Variants in STK39 observed in about 807,000 individuals in gnomAD.
STK39 encodes serine/threonine kinase 39.
STK39 carries 20 observed loss-of-function variants against 77.8 expected under a neutral mutation model. The observed-to-expected ratio is 0.26, with a 90% CI of 0.18 to 0.37. STK39 has a LOEUF of 0.37. STK39 is among the 10% of genes least tolerant of loss of function. The pLI is 1.00. For missense variants in STK39, 479 were observed against 656.5 expected, an observed-to-expected ratio of 0.73 and a Z score of 2.95; for synonymous variants, 246 against 234.1, an observed-to-expected ratio of 1.05 and a Z score of -0.47.
chr2:168,212,946 A>G (rs919120823), intron 1 of STK39, among the ~76,000 whole-genome samples: 5 of 152,214 alleles, frequency 3.3e-5, no homozygotes, highest in Non-Finnish European at 5.9e-5. Flanking sequence ...ACTCCAGGAT[A>G]GCCATTATGG....
intron 14 of STK39, among the ~76,000 whole-genome samples, chr2:168,049,813 C>T (rs1398251161): frequency 6.6e-6 from 1 of 152,158 alleles, no homozygotes; most frequent in Non-Finnish European, 1.5e-5. Context: ...TCCTACTCTT[C>T]CTTGGGAAAT....
intron 14 of STK39, among the ~76,000 whole-genome samples, chr2:168,055,691 C>G (rs193190394): frequency 6.6e-6 from 1 of 152,214 alleles, no homozygotes; most frequent in East Asian, 1.9e-4. Flanking sequence ...TGAACAGCAT[C>G]TAATACAAAG....
intron 16 of STK39, among the ~76,000 whole-genome samples, chr2:168,002,805 C>T (rs1684034203): frequency 1.3e-5 from 2 of 152,116 alleles, no homozygotes; most frequent in African/African-American, 4.8e-5. Context: ...AATGCTGAAT[C>T]TGTGTGCTCT....
chr2:168,142,995 T>C (rs1301930583), intron 5 of STK39, among the ~76,000 whole-genome samples: 4 of 152,220 alleles, frequency 2.6e-5, no homozygotes, highest in Non-Finnish European at 5.9e-5. Flanking sequence ...GGCAGAACTG[T>C]AACAGTGAAA....
intron 1 of STK39, among the ~76,000 whole-genome samples, 190 bp from the exon 2 acceptor site, chr2:168,182,280 C>A (rs1559136453): frequency 6.6e-6 from 1 of 151,786 alleles, no homozygotes; most frequent in East Asian, 1.9e-4. Context: ...AAAAAAAAAA[C>A]TGCATTTTCC....
At chr2:168,211,439 T>C (rs897140438) in intron 1 of STK39, among the ~76,000 whole-genome samples, 1 of 152,202 alleles carries the variant, frequency 6.6e-6, no homozygotes, top group African/African-American at 2.4e-5. Context: ...GTCATTTCTG[T>C]TCTAGAGTTT....
chr2:168,039,363 C>A lies in STK39; in HGVS notation c.1377-22268G>T, dbSNP rs1252139000. ...ATCCCAGCACTTTGGGAGGCCGAGG[C>A]GGGTGGATCATGAGGTCAGGAGATC... On this transcript the variant is annotated intron_variant, in intron 14 of 17. Transcript: ENST00000355999. 1.0e-4 allele frequency among the ~76,000 whole-genome samples: 2 copies of A among 19,140 alleles called. 1 individual carries two copies. The highest frequency in any genetic ancestry group is 4.1e-4 in the Non-Finnish European group (2 of 4,834). 12.6% of individuals were successfully genotyped at this position (19,140 alleles called of 152,430 possible).
At chr2:168,221,634 G>A (rs1182778297) in intron 1 of STK39, among the ~76,000 whole-genome samples, 7 of 152,132 alleles carry the variant, frequency 4.6e-5, no homozygotes, top group Admixed American at 4.6e-4. Flanking sequence ...GGACTTTGGA[G>A]ATGGAACGAT....
chr2:168,209,196 A>T (rs1689818956), intron 1 of STK39, among the ~76,000 whole-genome samples: 1 of 152,166 alleles, frequency 6.6e-6, no homozygotes, highest in South Asian at 2.1e-4. Flanking sequence ...CAGTCTCATA[A>T]ATTTTTACTG....
At chr2:168,038,754 A>C (rs576409210) in intron 14 of STK39, among the ~76,000 whole-genome samples, 2 of 152,308 alleles carry the variant, frequency 1.3e-5, no homozygotes, top group East Asian at 3.9e-4. Flanking sequence ...TACTGAAACA[A>C]GATCTGAACA....
At chr2:168,180,690 T>C (rs1689063505) in intron 2 of STK39, among the ~76,000 whole-genome samples, 1 of 152,174 alleles carries the variant, frequency 6.6e-6, no homozygotes, top group African/African-American at 2.4e-5. Flanking sequence ...ACAATATTAC[T>C]GGTCACTAAG....
At chr2:168,198,246 CCAAA>C (rs770213789) in intron 1 of STK39, among the ~76,000 whole-genome samples, 5 of 151,998 alleles carry the variant, frequency 3.3e-5, no homozygotes, top group South Asian at 2.1e-4. Context: ...GAATTAGATC[CCAAA>C]CACTTTTCAT....
intron 14 of STK39, among the ~76,000 whole-genome samples, chr2:168,029,322 A>G (rs1179833009): frequency 1.3e-5 from 2 of 152,204 alleles, no homozygotes; most frequent in Admixed American, 1.3e-4. Context: ...AGAAACATGC[A>G]AGGCAGATTT....
intron 16 of STK39, among the ~76,000 whole-genome samples, chr2:167,968,979 G>A (rs552582214): frequency 7.8e-4 from 119 of 152,040 alleles, no homozygotes; most frequent in Non-Finnish European, 1.5e-3. Flanking sequence ...ACCTGAATTC[G>A]TGAGCCAGGG....
chr2:168,149,217 G>A (rs1475845341), intron 5 of STK39, among the ~76,000 whole-genome samples: 2 of 152,182 alleles, frequency 1.3e-5, no homozygotes, highest in African/African-American at 4.8e-5. Context: ...GGCCCTTGCA[G>A]TGAAGTTTTT....
intron 2 of STK39, among the ~76,000 whole-genome samples, chr2:168,179,060 T>C (rs545418311): frequency 5.6e-4 from 82 of 146,278 alleles, no homozygotes; most frequent in South Asian, 2.6e-3. Flanking sequence ...AGTTGATAAT[T>C]GTGATTTCTA....
rs143077154 is a variant in STK39 at position 167,973,868 on chromosome 2, C to T, written c.1499-9142G>A. On this transcript the variant is annotated intron_variant, in intron 16 of 17. Coordinates refer to ENST00000355999, the MANE Select transcript of STK39 (RefSeq NM_013233.3). ...TGACTAAATTTAAAGGTGTATTTTC[C>T]GTAAACTGAACATTGAAATAAAAGC... is the stretch of plus-strand genomic sequence containing the variant. 2.7e-3 allele frequency among the ~76,000 whole-genome samples: 417 copies of T among 152,036 alleles called. 2 individuals are homozygous for T. Among genetic ancestry groups the T allele is most frequent in the African/African-American group, 9.5e-3 (396 of 41,486 alleles).
intron 16 of STK39, among the ~76,000 whole-genome samples, chr2:168,008,524 C>T (rs1684189636): frequency 6.6e-6 from 1 of 152,028 alleles, no homozygotes; most frequent in Admixed American, 6.6e-5. Flanking sequence ...TATTACATTT[C>T]CAAGTGAAGA....
chr2:168,005,448 TA>T (rs1684108206), intron 16 of STK39, among the ~76,000 whole-genome samples: 1 of 152,086 alleles, frequency 6.6e-6, no homozygotes, highest in Non-Finnish European at 1.5e-5. Context: ...AGTGAATTAC[TA>T]TTTCTTTTTT....
Sources: allele counts gnomAD v4.1 joint callset (sites outside exome capture counted in the v4.1 genomes callset), GRCh38; gene constraint gnomAD v4.1.1; transcripts MANE v1.5; gene names NCBI Gene and HGNC (gene_info 2026-07-23, HGNC 2026-07-21).